The following TSPAN16 variants were observed in gnomAD, a reference collection of about 807,000 sequenced individuals.
The protein encoded by TSPAN16 is tetraspanin 16.
A neutral mutation model predicts 25.2 loss-of-function variants in TSPAN16; 23 were observed. The observed-to-expected ratio is 0.91, with a 90% CI of 0.66 to 1.29. TSPAN16 has a LOEUF of 1.29. Among genes scored for constraint, TSPAN16 ranks in the 50% most tolerant of loss-of-function variants. The pLI is 0.00. For missense variants in TSPAN16, 272 were observed against 299.9 expected (o/e 0.91, Z 0.69); for synonymous variants, 123 against 124.4 (o/e 0.99, Z 0.08).
At chr19:11,317,131 C>G (rs1458365794), downstream of TSPAN16, among the ~76,000 whole-genome samples, 1 of 152,088 alleles carries the variant, frequency 6.6e-6, no homozygotes, top group African/African-American at 2.4e-5. Flanking sequence ...ACAACAACAT[C>G]AACAAAACCC....
chr19:11,324,775 C>A (rs909502816), intron 6 of TSPAN16: 1 of 152,616 alleles, frequency 6.6e-6, no homozygotes, highest in Non-Finnish European at 1.5e-5. Flanking sequence ...GGGGATCTGA[C>A]TCCCTGTCCC....
chr19:11,298,034 G>A lies in TSPAN16; in HGVS notation c.70-108G>A, dbSNP rs188044800. The A allele has an allele frequency of 3.0e-4, 353 of 1,161,322 alleles. 2 individuals are homozygous for A. The East Asian group carries it at 4.0e-3, about 13-fold the overall frequency. The allele number at this position is 1,161,322 out of a possible 1,614,324, so 71.9% of individuals were successfully genotyped here. On this transcript the variant is annotated intron_variant, in intron 1 of 6. Coordinates refer to ENST00000590327, the MANE Select transcript of TSPAN16 (RefSeq NM_001282509.2). The stretch of plus-strand genomic sequence containing the variant: ...ACTCCTGGGCTCAAGTCTTGGCCTT[G>A]GCCTCCCAAAGTGCTGGGATTACAG...
intron 6 of TSPAN16, among the ~76,000 whole-genome samples, chr19:11,326,617 T>A (rs76316933): frequency 2.3e-4 from 35 of 152,178 alleles, no homozygotes; most frequent in Non-Finnish European, 4.9e-4. Flanking sequence ...TTGCTTTTTT[T>A]AAAAGAGAAA....
At position 11,304,685 on chromosome 19, in the gene TSPAN16, C is replaced by T. The variant is rs1030755061; in HGVS notation, c.451-1919C>T. 7.4e-5 allele frequency among the ~76,000 whole-genome samples: 11 copies of T among 148,192 alleles called. 1 individual carries two copies. Among genetic ancestry groups the T allele is most frequent in the African/African-American group, 2.6e-4 (10 of 37,886 alleles). On this transcript the variant is annotated intron_variant, in intron 4 of 6. Coordinates refer to ENST00000590327, the MANE Select transcript of TSPAN16 (RefSeq NM_001282509.2). ...GACCACAGGTGCCTGCCATCACGCC[C>T]GGCTAATTTTTTGTATTTTTAGTAG...
downstream of TSPAN16, among the ~76,000 whole-genome samples, chr19:11,320,683 A>AAAAAAAG (rs1568297138): frequency 6.6e-6 from 1 of 151,860 alleles, no homozygotes; most frequent in African/African-American, 2.4e-5. Context: ...CAAAAAAAAA[A>AAAAAAAG]AAAAGAAAAG....
chr19:11,306,549 T>G, intron 4 of TSPAN16, 55 bp from the exon 5 acceptor site: 3 of 1,606,092 alleles, frequency 1.9e-6, no homozygotes, highest in Non-Finnish European at 2.6e-6. Context: ...CCGTGATTTC[T>G]GATGTTTTTA....
chr19:11,296,246 A>T lies in TSPAN16; in HGVS notation c.-52A>T. On this transcript the variant is annotated 5_prime_UTR_variant, in exon 1 of 7. Transcript: ENST00000590327. ...ATCATCTTGGGAAACAGTAGCCCAG[A>T]GGTTCAGGAAGATGTTAACTTAAAT... 1 of 1,572,194 alleles carries T rather than the reference A, an allele frequency of 6.4e-7. No individual in the cohort carries two copies. Among genetic ancestry groups the T allele is most frequent in the Non-Finnish European group, 8.7e-7 (1 of 1,143,134 alleles).
chr19:11,316,117 GGTT>G (rs1479623597), downstream of TSPAN16: 11 of 228,856 alleles, frequency 4.8e-5, no homozygotes, highest in Admixed American at 2.1e-4. Context: ...GTGTGTGTGT[GGTT>G]TTTTTTTTTT....
intron 5 of TSPAN16, 199 bp downstream of exon 5, chr19:11,306,955 AC>A (rs2080635037): frequency 1.9e-6 from 1 of 513,880 alleles, no homozygotes; most frequent in Non-Finnish European, 3.4e-6. Flanking sequence ...AGCTGGGATC[AC>A]AGGCATGCAC....
intron 5 of TSPAN16, 58 bp downstream of exon 5, chr19:11,306,814 T>C: frequency 6.6e-7 from 1 of 1,514,802 alleles, no homozygotes. Context: ...TGACTTCATT[T>C]TTATTTTTAT....
intron 6 of TSPAN16, among the ~76,000 whole-genome samples, chr19:11,313,270 T>C (rs2080712092): frequency 6.6e-6 from 1 of 151,990 alleles, no homozygotes; most frequent in Admixed American, 6.6e-5. Context: ...TCCCAGAATT[T>C]TGGGAGGCTG....
At chr19:11,308,473 A>ATT (rs766587009) in intron 5 of TSPAN16, among the ~76,000 whole-genome samples, 35 of 123,300 alleles carry the variant, frequency 2.8e-4, no homozygotes, top group Middle Eastern at 5.1e-3. Context: ...TAATTTTTGC[A>ATT]TTTTTTTTTT....
At chr19:11,317,352 A>G (rs1004184947), downstream of TSPAN16, among the ~76,000 whole-genome samples, 17 of 151,602 alleles carry the variant, frequency 1.1e-4, 1 homozygote, top group Non-Finnish European at 2.9e-5. Flanking sequence ...GCCTCACTCT[A>G]TCACCCATGC....
chr19:11,298,378 C>A, intron 2 of TSPAN16, 39 bp downstream of exon 2: 2 of 1,592,958 alleles, frequency 1.3e-6, no homozygotes, highest in South Asian at 1.1e-5. Flanking sequence ...AACTGCCTCC[C>A]CACACACACA....
intron 4 of TSPAN16, among the ~76,000 whole-genome samples, chr19:11,303,530 G>A (rs1417704604): frequency 8.5e-6 from 1 of 118,268 alleles, no homozygotes; most frequent in Non-Finnish European, 1.7e-5. Context: ...CCCCCTCTGT[G>A]AGAAACACCC....
chr19:11,299,982 A>G (rs894563052), intron 3 of TSPAN16, among the ~76,000 whole-genome samples: 1 of 129,058 alleles, frequency 7.7e-6, no homozygotes, highest in African/African-American at 3.8e-5. Context: ...TGTCTCAAAA[A>G]AAGAAAAAAA....
At position 11,315,803 on chromosome 19, in the gene TSPAN16, C is replaced by T. The variant is rs942872522; in HGVS notation, c.700C>T (p.Leu234Phe). 4.1e-6 allele frequency: 5 copies of T among 1,231,830 alleles called. No individual in the cohort carries two copies. The African/African-American group carries it at 6.2e-5, about 15-fold the overall frequency. 76.3% of individuals were successfully genotyped at this position (1,231,830 alleles called of 1,614,324 possible). The change falls in exon 7 of 7, where the codon CTT (leucine) becomes TTT (phenylalanine). Residue 234 changes from leucine to phenylalanine, a missense_variant. Transcript: ENST00000590327. ...GAAVIQLPGI[L>F]ATLLLFIKLG ...TCACGCATTTCAGTTGCCAGGAATT[C>T]TTGCCACTTTGCTGCTGTTTATCAA...
intron 6 of TSPAN16, among the ~76,000 whole-genome samples, chr19:11,315,375 A>G (rs1041407664): frequency 2.7e-5 from 4 of 149,054 alleles, no homozygotes; most frequent in Non-Finnish European, 4.5e-5. Flanking sequence ...GGCTAACACA[A>G]TAAAACCCCG....
At chr19:11,303,367 T>G (rs1479614465) in intron 4 of TSPAN16, among the ~76,000 whole-genome samples, 1 of 146,632 alleles carries the variant, frequency 6.8e-6, no homozygotes, top group African/African-American at 2.6e-5. Context: ...AGCATGCTCG[T>G]TAAGAGTCGT....
Sources: allele counts gnomAD v4.1 joint callset (sites outside exome capture counted in the v4.1 genomes callset), GRCh38; gene constraint gnomAD v4.1.1; transcripts MANE v1.5; gene names NCBI Gene and HGNC (gene_info 2026-07-23, HGNC 2026-07-21).